ARHGAP44: variants seen among roughly 807,000 people sequenced by gnomAD.
ARHGAP44 encodes the protein rho GTPase-activating protein 44.
A neutral mutation model predicts 106.8 loss-of-function variants in ARHGAP44; 43 were observed. The observed-to-expected ratio is 0.40, with a 90% confidence interval of 0.32 to 0.52. The LOEUF (loss-of-function observed/expected upper bound fraction) is 0.52. Ranked by LOEUF, ARHGAP44 falls within the 20% of genes least tolerant of loss-of-function variation. The pLI is 0.48. For missense variants in ARHGAP44, 866 were observed against 1,050.5 expected, an observed-to-expected ratio of 0.82 and a Z score of 2.43; for synonymous variants, 439 against 410.3, an observed-to-expected ratio of 1.07 and a Z score of -0.85.
At position 12,916,029 on chromosome 17, in the gene ARHGAP44, G is replaced by C. The variant is rs969081357; in HGVS notation, c.387+18G>C. The C allele has an allele frequency of 3.1e-6, 5 of 1,605,740 alleles. No individual in the cohort carries two copies. The Admixed American group carries it at 8.4e-5, about 27-fold the overall frequency. ...TGGCGGAGGTAAGCAGCAGGAGTGA[G>C]GCCAGGCCTGAAAGAGCAAGGAGGT... On this transcript the variant is annotated intron_variant, in intron 5 of 20. Coordinates refer to ENST00000379672, the MANE Select transcript of ARHGAP44 (RefSeq NM_014859.6).
intron 1 of ARHGAP44, among the ~76,000 whole-genome samples, chr17:12,885,046 A>G (rs1271459744): frequency 1.3e-5 from 2 of 152,058 alleles, no homozygotes; most frequent in African/African-American, 2.4e-5. Context: ...GACTACAGGC[A>G]CCCACAACCA....
At chr17:12,862,233 C>A (rs1407742330) in intron 1 of ARHGAP44, among the ~76,000 whole-genome samples, 6 of 152,098 alleles carry the variant, frequency 3.9e-5, no homozygotes, top group Admixed American at 3.9e-4. Flanking sequence ...AGGGGAGAGT[C>A]TGCCAAAGAA....
At chr17:12,978,941 G>A (rs1054921492) in intron 18 of ARHGAP44, among the ~76,000 whole-genome samples, 4 of 152,116 alleles carry the variant, frequency 2.6e-5, no homozygotes, top group Admixed American at 1.3e-4. Context: ...TGCCTGCCTC[G>A]GCCTCCCAAA....
chr17:12,941,029 C>T, intron 7 of ARHGAP44, 27 bp from the exon 8 acceptor site: 1 of 1,610,128 alleles, frequency 6.2e-7, no homozygotes, highest in Non-Finnish European at 8.5e-7. Context: ...TATGTTTTAC[C>T]TTGGTTGTAT....
chr17:12,814,982 T>C (rs2034555389), intron 1 of ARHGAP44, among the ~76,000 whole-genome samples: 1 of 152,194 alleles, frequency 6.6e-6, no homozygotes, highest in Admixed American at 6.5e-5. Context: ...TTCCCGACTC[T>C]CCTCACCTTC....
intron 1 of ARHGAP44, among the ~76,000 whole-genome samples, chr17:12,883,592 A>G (rs1234526440): frequency 1.3e-5 from 2 of 152,052 alleles, no homozygotes; most frequent in African/African-American, 4.8e-5. Context: ...AATTCCTAAC[A>G]GTAATTCTTT....
chr17:12,990,140 C>CGGA lies in ARHGAP44; in HGVS notation c.2434_2436dup (p.Glu812dup), dbSNP rs772091802. 2.5e-6 allele frequency: 4 copies of CGGA among 1,613,380 alleles called. No homozygotes were observed. The highest frequency in any genetic ancestry group is 3.4e-6 in the Non-Finnish European group (4 of 1,179,530). Reference sequence around the variant, plus strand: ...CACTCAGTAACTGACAAGAGGGACTCGGAGGAGGAGTCTGAGAGCACCGCC... The same window carrying CGGA: ...CACTCAGTAACTGACAAGAGGGACTCGGAGGAGGAGGAGTCTGAGAGCACCGCC... On this transcript the variant is annotated inframe_insertion, in exon 21 of 21. Coordinates refer to ENST00000379672, the MANE Select transcript of ARHGAP44 (RefSeq NM_014859.6).
At chr17:12,822,134 G>A (rs2034788645) in intron 1 of ARHGAP44, among the ~76,000 whole-genome samples, 1 of 152,172 alleles carries the variant, frequency 6.6e-6, no homozygotes, top group African/African-American at 2.4e-5. Flanking sequence ...TTCCTGTACA[G>A]GGCCAGGCAG....
intron 8 of ARHGAP44, among the ~76,000 whole-genome samples, chr17:12,941,778 A>C (rs964806690): frequency 7.9e-5 from 12 of 152,214 alleles, no homozygotes; most frequent in African/African-American, 2.9e-4. Context: ...GGTACAAATA[A>C]TTAAGACTCA....
chr17:12,848,644 C>T (rs568932037), intron 1 of ARHGAP44, among the ~76,000 whole-genome samples: 3 of 152,250 alleles, frequency 2.0e-5, no homozygotes, highest in African/African-American at 7.2e-5. Context: ...CCTCTGAAAT[C>T]CCTCATTGGC....
In ARHGAP44 at chr17:12,985,122, G is replaced by A. The variant is rs141101038; in HGVS notation, c.2317+214G>A. On this transcript the variant is annotated intron_variant, in intron 20 of 20. Transcript: ENST00000379672. ...TGTCCCACACAGGGGCTTCTTATGG[G>A]ATCTCTCTCGGTCTAAGCCCACCAG... is the stretch of plus-strand genomic sequence containing the variant. 2,009 of 591,050 alleles carry A rather than the reference G, an allele frequency of 3.4e-3. 29 individuals are homozygous for A. The highest frequency in any genetic ancestry group is 0.032 in the African/African-American group (1,722 of 53,458). The allele number at this position is 591,050 out of a possible 1,614,324, so 36.6% of individuals were successfully genotyped here.
chr17:12,829,222 A>C (rs1222712078), intron 1 of ARHGAP44, among the ~76,000 whole-genome samples: 1 of 151,914 alleles, frequency 6.6e-6, no homozygotes, highest in East Asian at 1.9e-4. Context: ...CCTCTTACCT[A>C]ATTGAGCTGG....
intron 16 of ARHGAP44, among the ~76,000 whole-genome samples, chr17:12,972,864 T>C (rs946968376): frequency 2.0e-5 from 3 of 151,888 alleles, no homozygotes; most frequent in African/African-American, 7.2e-5. Flanking sequence ...GGTTTCACCA[T>C]GTTAGCCAGG....
chr17:12,790,172 C>CCTCCCTGCCTTTCCCCGGGACTCCCTT, intron 1 of ARHGAP44: 1 of 429,580 alleles, frequency 2.3e-6, no homozygotes, highest in African/African-American at 2.1e-5. Flanking sequence ...TTCGCTTCGT[C>CCTCCCTGCCTTTCCCCGGGACTCCCTT]CTCCCTGCCT....
chr17:12,959,752 A>G (rs1225275350), intron 16 of ARHGAP44, among the ~76,000 whole-genome samples: 2 of 152,242 alleles, frequency 1.3e-5, no homozygotes, highest in African/African-American at 4.8e-5. Flanking sequence ...GAAATTAAAA[A>G]TTACTACTGT....
Position 12,989,732 on chromosome 17 carries a change from CCTT to C in ARHGAP44, c.2318-296_2318-294del, listed in dbSNP as rs1259131527. The stretch of plus-strand genomic sequence containing the variant: ...GGTGTCATTGAGACCTACTCAGCAT[CCTT>C]CTTATCAAGAATAAAGGACCCTGTG... On this transcript the variant is annotated intron_variant, in intron 20 of 20. Coordinates refer to ENST00000379672, the MANE Select transcript of ARHGAP44 (RefSeq NM_014859.6). 3.9e-5 allele frequency among the ~76,000 whole-genome samples: 6 copies of C among 152,322 alleles called. No homozygotes were observed. The East Asian group carries it at 5.8e-4, about 15-fold the overall frequency.
chr17:12,870,993 C>A (rs746089089), intron 1 of ARHGAP44, among the ~76,000 whole-genome samples: 1 of 151,926 alleles, frequency 6.6e-6, no homozygotes, highest in Admixed American at 6.6e-5. Flanking sequence ...TTCTTTCCCG[C>A]CTTTCTTCCT....
intron 1 of ARHGAP44, among the ~76,000 whole-genome samples, chr17:12,844,034 A>G (rs181599431): frequency 3.7e-4 from 56 of 152,104 alleles, no homozygotes; most frequent in Admixed American, 2.6e-3. Flanking sequence ...AGCAGCTGAA[A>G]ATTTCTGTTT....
At chr17:12,943,952 T>C (rs1401426289) in intron 9 of ARHGAP44, 117 bp from the exon 10 acceptor site, 10 of 1,272,254 alleles carry the variant, frequency 7.9e-6, no homozygotes, top group Middle Eastern at 3.9e-4. Flanking sequence ...GGAGGCTCAA[T>C]TGGGCCTCCC....
Sources: allele counts gnomAD v4.1 joint callset (sites outside exome capture counted in the v4.1 genomes callset), GRCh38; gene constraint gnomAD v4.1.1; transcripts MANE v1.5; gene names NCBI Gene and HGNC (gene_info 2026-07-23, HGNC 2026-07-21).